TIMMDC1: variants seen among roughly 807,000 people sequenced by gnomAD.
TIMMDC1 encodes the protein complex I assembly factor TIMMDC1, mitochondrial.
TIMMDC1 carries 25 observed loss-of-function variants against 32.6 expected under a neutral mutation model. The ratio of observed to expected loss-of-function variants is 0.77; its 90% CI spans 0.56 to 1.07. The LOEUF (loss-of-function observed/expected upper bound fraction) is 1.07. TIMMDC1 is among the 50% of genes least tolerant of loss of function. TIMMDC1 has a pLI of 0.00. For synonymous variants in TIMMDC1, 130 were observed against 127.6 expected (o/e 1.02, Z -0.13); for missense variants, 329 against 349.2 (o/e 0.94, Z 0.46).
In TIMMDC1 at chr3:119,498,868, C is replaced by T. The variant is rs34932768; in HGVS notation, c.135C>T (p.Val45=). ...LEERQKRLPY[V]PEPYYPESGW... ...AGCGTCAGAAGCGGCTTCCCTACGT[C>T]CCAGAGCCCTATTACCCGGAATCTG... is the stretch of plus-strand genomic sequence containing the variant. The change falls in exon 1 of 7, where the codon GTC becomes GTT. Residue 45 remains valine, a synonymous_variant. Coordinates refer to ENST00000494664, the MANE Select transcript of TIMMDC1 (RefSeq NM_016589.4). 8.1e-5 allele frequency: 130 copies of T among 1,614,030 alleles called. No homozygotes were observed. The African/African-American group carries it at 1.5e-3, about 19-fold the overall frequency.
chr3:119,501,962 T>C (rs1215371150), intron 2 of TIMMDC1, among the ~76,000 whole-genome samples: 1 of 152,176 alleles, frequency 6.6e-6, no homozygotes, highest in East Asian at 1.9e-4. Flanking sequence ...ACCCATGATA[T>C]CTCTGTCCCT....
chr3:119,505,358 AGTTT>A (rs766364712), intron 4 of TIMMDC1, among the ~76,000 whole-genome samples: 2 of 151,862 alleles, frequency 1.3e-5, no homozygotes, highest in Non-Finnish European at 2.9e-5. Flanking sequence ...TCTGAACATA[AGTTT>A]GTTTTTGTTT....
intron 6 of TIMMDC1, among the ~76,000 whole-genome samples, chr3:119,522,401 G>A (rs1381924337): frequency 6.6e-6 from 1 of 151,942 alleles, no homozygotes. Context: ...AGGCTGAGGA[G>A]GGGACAGGGA....
In TIMMDC1 at chr3:119,520,421, G is replaced by A. The variant is rs114147510; in HGVS notation, c.707+3106G>A. 3.0e-3 allele frequency among the ~76,000 whole-genome samples: 461 copies of A among 152,062 alleles called. 1 individual carries two copies. The highest frequency in any genetic ancestry group is 0.01 in the African/African-American group (431 of 41,492). On this transcript the variant is annotated intron_variant, in intron 6 of 6. Transcript: ENST00000494664. ...AAGGAGACATTACAACTGATACCAC[G>A]GACATAGTCATATCATTAGAGATTA...
At chr3:119,508,441 T>C (rs956247742) in intron 4 of TIMMDC1, among the ~76,000 whole-genome samples, 4 of 152,154 alleles carry the variant, frequency 2.6e-5, no homozygotes, top group African/African-American at 4.8e-5. Context: ...CTAAGAAGAG[T>C]TGTCAGTTTT....
chr3:119,512,186 G>GCATGGAATTGCA (rs2081956739), intron 4 of TIMMDC1, among the ~76,000 whole-genome samples: 2 of 152,190 alleles, frequency 1.3e-5, no homozygotes, highest in Non-Finnish European at 2.9e-5. Context: ...ATGGAACTAG[G>GCATGGAATTGCA]TGGGAGAAAA....
chr3:119,517,904 G>T (rs1434206999), intron 6 of TIMMDC1, among the ~76,000 whole-genome samples: 2 of 152,056 alleles, frequency 1.3e-5, no homozygotes, highest in East Asian at 3.8e-4. Flanking sequence ...GGGTAGCGGA[G>T]GTTACAGTGA....
chr3:119,515,400 A>G (rs9836627), intron 5 of TIMMDC1, among the ~76,000 whole-genome samples: 123,152 of 151,990 alleles, frequency 0.81, 49,968 homozygotes, highest in East Asian at 0.87. Context: ...CTCATACTTC[A>G]AATCTTTAAC....
intron 4 of TIMMDC1, among the ~76,000 whole-genome samples, chr3:119,505,018 C>T (rs2081908913): frequency 1.3e-5 from 2 of 149,014 alleles, no homozygotes; most frequent in Middle Eastern, 3.5e-3. Context: ...GCAGAGGTTG[C>T]AGTGAGCTGA....
chr3:119,510,970 T>G (rs899170822), intron 4 of TIMMDC1, among the ~76,000 whole-genome samples: 7 of 152,228 alleles, frequency 4.6e-5, no homozygotes, highest in African/African-American at 1.7e-4. Context: ...CCCCCAAAAC[T>G]TAACTACTAA....
intron 1 of TIMMDC1, among the ~76,000 whole-genome samples, chr3:119,499,270 A>T (rs1036452896): frequency 6.7e-6 from 1 of 148,832 alleles, no homozygotes; most frequent in Non-Finnish European, 1.5e-5. Context: ...ATTTTTTTTT[A>T]ATGTATTTTT....
intron 4 of TIMMDC1, among the ~76,000 whole-genome samples, chr3:119,508,115 T>C (rs866585704): frequency 2.0e-5 from 3 of 152,308 alleles, no homozygotes; most frequent in Middle Eastern, 3.4e-3. Flanking sequence ...TTCAAAATGG[T>C]TACTTTTCTT....
At chr3:119,505,207 A>C (rs757691242) in intron 4 of TIMMDC1, among the ~76,000 whole-genome samples, 22 of 152,216 alleles carry the variant, frequency 1.4e-4, no homozygotes, top group Non-Finnish European at 3.1e-4. Flanking sequence ...CATGTTATAC[A>C]CCATATGTGT....
chr3:119,512,221 A>G (rs1435942422), intron 4 of TIMMDC1, among the ~76,000 whole-genome samples: 1 of 152,158 alleles, frequency 6.6e-6, no homozygotes, highest in Non-Finnish European at 1.5e-5. Flanking sequence ...ATTTAATAAT[A>G]TGTTCTGTGA....
At chr3:119,500,934 A>T (rs887360731) in intron 2 of TIMMDC1, 74 bp downstream of exon 2, 84 of 1,464,534 alleles carry the variant, frequency 5.7e-5, no homozygotes, top group Middle Eastern at 5.6e-4. Context: ...TCATTCAATT[A>T]GGTTGTGGGG....
intron 6 of TIMMDC1, among the ~76,000 whole-genome samples, chr3:119,520,658 TAAA>T (rs2082019835): frequency 1.3e-5 from 2 of 152,186 alleles, no homozygotes; most frequent in South Asian, 4.1e-4. Context: ...GCCAAACAGT[TAAA>T]GAAGAATTAA....
intron 4 of TIMMDC1, among the ~76,000 whole-genome samples, chr3:119,509,125 G>C (rs1274921256): frequency 6.6e-6 from 1 of 152,086 alleles, no homozygotes; most frequent in East Asian, 1.9e-4. Flanking sequence ...AAAATGGCGT[G>C]AACCTGGGAG....
chr3:119,498,839 G>C lies in TIMMDC1; in HGVS notation c.106G>C (p.Glu36Gln). 1 of 1,614,124 alleles carries C rather than the reference G, an allele frequency of 6.2e-7. No individual in the cohort carries two copies. Among genetic ancestry groups the C allele is most frequent in the Admixed American group, 1.7e-5 (1 of 59,998 alleles). Reference protein sequence around the residue: ...EAVTADSEVLEERQKRLPYVP... With the variant: ...EAVTADSEVLQERQKRLPYVP... ...TGTGACTGCCGATTCGGAAGTCCTT[G>C]AGGAGCGTCAGAAGCGGCTTCCCTA... Residue 36 changes from glutamate (E) to glutamine (Q), a missense_variant, in exon 1 of 7, where the codon GAG (glutamate) becomes CAG (glutamine). Transcript: ENST00000494664.
chr3:119,499,893 T>C (rs2081857047), intron 1 of TIMMDC1, among the ~76,000 whole-genome samples: 2 of 152,246 alleles, frequency 1.3e-5, no homozygotes, highest in African/African-American at 4.8e-5. Context: ...TAGATTGGCA[T>C]GTGCCACCCA....
Sources: allele counts gnomAD v4.1 joint callset (sites outside exome capture counted in the v4.1 genomes callset), GRCh38; gene constraint gnomAD v4.1.1; transcripts MANE v1.5; gene names NCBI Gene and HGNC (gene_info 2026-07-23, HGNC 2026-07-21).